AXDND1: variants seen among roughly 807,000 people sequenced by gnomAD.
AXDND1 encodes axonemal dynein light chain domain containing 1.
AXDND1 carries 110 observed loss-of-function variants against 137.5 expected under a neutral mutation model. The observed-to-expected ratio is 0.80, with a 90% CI of 0.69 to 0.94. The LOEUF (loss-of-function observed/expected upper bound fraction) is 0.94, where lower values mean the gene tolerates loss of function less well. Among genes scored for constraint, AXDND1 ranks in the 40% least tolerant of loss-of-function variants. AXDND1 has a pLI of 0.00. For synonymous variants in AXDND1, 414 were observed against 399.7 expected, an observed-to-expected ratio of 1.04 and a Z score of -0.43; for missense variants, 1,191 against 1,169.8, an observed-to-expected ratio of 1.02 and a Z score of -0.26.
chr1:179,495,257 T>C (rs542688895), intron 20 of AXDND1, among the ~76,000 whole-genome samples: 1 of 152,312 alleles, frequency 6.6e-6, no homozygotes, highest in East Asian at 1.9e-4. Flanking sequence ...TTAATTGATA[T>C]TATATCTATT....
chr1:179,369,823 TTA>T (rs1427979590), intron 3 of AXDND1, 150 bp from the exon 4 acceptor site: 12 of 553,048 alleles, frequency 2.2e-5, no homozygotes, highest in African/African-American at 1.1e-4. Flanking sequence ...GTTTTAGTCT[TTA>T]TGTCATTTAA....
At chr1:179,455,294 GTAAAAAAAAAA>G (rs1661181011) in intron 16 of AXDND1, 1 of 48,752 alleles carries the variant, frequency 2.1e-5, no homozygotes, top group Non-Finnish European at 4.6e-5. Context: ...AAAAAAAAAA[GTAAAAAAAAAA>G]AAAGAGGCTG....
At chr1:179,429,995 T>G (rs1657137318) in intron 13 of AXDND1, among the ~76,000 whole-genome samples, 1 of 149,698 alleles carries the variant, frequency 6.7e-6, no homozygotes, top group Non-Finnish European at 1.5e-5. Context: ...TTCTACTGAG[T>G]CAAAGCATTT....
At position 179,368,838 on chromosome 1, in the gene AXDND1, C is replaced by T. The variant is rs192778181; in HGVS notation, c.136C>T (p.Arg46Cys). 85 of 1,613,354 alleles carry T rather than the reference C, an allele frequency of 5.3e-5. No individual in the cohort carries two copies. The South Asian group carries it at 7.9e-4, about 15-fold the overall frequency. Residue 46 changes from arginine (R) to cysteine (C), a missense_variant, in exon 3 of 26, where the codon CGT (arginine) becomes TGT (cysteine). Transcript: ENST00000367618. The stretch of plus-strand genomic sequence containing the variant: ...AAAGGAGAAAAAAAATATGGTGGAT[C>T]GTTCAAAACTCCTTCCTACTTCCCT... ...ELKEKKNMVD[R>C]SKLLPTSLQN... is the part of the protein sequence containing the mutation.
In AXDND1 at chr1:179,376,046, C is replaced by T. The variant is rs78412812; in HGVS notation, c.375-2591C>T. On this transcript the variant is annotated intron_variant, in intron 4 of 25. Transcript: ENST00000367618. ...GCCCTCAAAGCACACCCTCTCCCACCATTTCACAATATTGCAACTGTTATA... is the reference window on the plus strand; with the variant it reads ...GCCCTCAAAGCACACCCTCTCCCACTATTTCACAATATTGCAACTGTTATA... Among the ~76,000 whole-genome samples, 279 of 152,306 alleles carry T rather than the reference C, an allele frequency of 1.8e-3. 9 individuals carry two copies. The East Asian group carries it at 0.052, about 29-fold the overall frequency.
rs541945939 is a variant in AXDND1, at chr1:179,525,420, G to A, written c.2583G>A (p.Gln861=). ...EEESKEDRKL[Q]EENKERAEEQ... ...AAAGTAAGGAGGATAGGAAACTTCA[G>A]GAGGAAAATAAAGAGAGAGCAGAAG... Residue 861 remains glutamine, a synonymous_variant, in exon 22 of 26, where the codon CAG becomes CAA. Transcript: ENST00000367618. 5 of 1,611,048 alleles carry A rather than the reference G, an allele frequency of 3.1e-6. No homozygotes were observed. The highest frequency in any genetic ancestry group is 4.2e-6 in the Non-Finnish European group (5 of 1,178,326).
At chr1:179,501,196 A>G (rs1422459224) in intron 20 of AXDND1, among the ~76,000 whole-genome samples, 1 of 152,168 alleles carries the variant, frequency 6.6e-6, no homozygotes. Flanking sequence ...TGTTTTGGAT[A>G]TTCAAAGAAC....
At chr1:179,544,223 T>G (rs1391467031) in intron 25 of AXDND1, 2 of 152,216 alleles carry the variant, frequency 1.3e-5, no homozygotes, top group African/African-American at 4.8e-5. Flanking sequence ...CTTCCCGCAT[T>G]AAAAATAGCT....
At chr1:179,459,607 A>T (rs1194084087) in intron 16 of AXDND1, among the ~76,000 whole-genome samples, 6 of 151,816 alleles carry the variant, frequency 4.0e-5, no homozygotes, top group Non-Finnish European at 8.8e-5. Flanking sequence ...TCCTTGAAGA[A>T]ATGTCTTTGG....
chr1:179,552,685 A>G, intron 25 of AXDND1: 1 of 1,612,000 alleles, frequency 6.2e-7, no homozygotes, highest in Non-Finnish European at 8.5e-7. Flanking sequence ...ATCTTTACTG[A>G]AAAAGAAAGA....
At chr1:179,449,330 A>T (rs1040646318) in intron 16 of AXDND1, 53 of 305,338 alleles carry the variant, frequency 1.7e-4, no homozygotes, top group Non-Finnish European at 2.6e-5. Context: ...AAAATCAGTT[A>T]ACCAGAGATC....
intron 16 of AXDND1, chr1:179,456,901 C>T: frequency 9.6e-7 from 1 of 1,045,074 alleles, no homozygotes; most frequent in Non-Finnish European, 1.5e-6. Context: ...AAGGCAAAGC[C>T]TCTTTTCTTG....
intron 20 of AXDND1, among the ~76,000 whole-genome samples, chr1:179,507,247 GTAT>G (rs1269023579): frequency 2.0e-5 from 3 of 152,144 alleles, no homozygotes; most frequent in East Asian, 3.9e-4. Context: ...TGATAAAAAG[GTAT>G]TATTGAAGGT....
intron 3 of AXDND1, among the ~76,000 whole-genome samples, chr1:179,369,185 C>T (rs886722742): frequency 1.3e-5 from 2 of 152,158 alleles, no homozygotes; most frequent in Non-Finnish European, 2.9e-5. Flanking sequence ...TCAGGTGATC[C>T]TCCCACCTCA....
intron 21 of AXDND1, among the ~76,000 whole-genome samples, chr1:179,523,520 G>A (rs6659378): frequency 0.88 from 133,570 of 152,124 alleles, 58,815 homozygotes; most frequent in East Asian, 0.96. Context: ...ATCCATACTG[G>A]TTAGCAGTCA....
intron 4 of AXDND1, among the ~76,000 whole-genome samples, chr1:179,374,539 G>A (rs889559678): frequency 4.6e-5 from 7 of 152,012 alleles, no homozygotes; most frequent in Admixed American, 2.0e-4. Context: ...TGTTTATTGC[G>A]GCACTATTCA....
At chr1:179,481,604 G>A (rs1464522187) in intron 17 of AXDND1, among the ~76,000 whole-genome samples, 2 of 152,192 alleles carry the variant, frequency 1.3e-5, no homozygotes, top group Non-Finnish European at 2.9e-5. Flanking sequence ...CCCACCAACA[G>A]TGTAAAAGTG....
At chr1:179,536,573 A>G (rs1412367328) in intron 25 of AXDND1, among the ~76,000 whole-genome samples, 1 of 151,980 alleles carries the variant, frequency 6.6e-6, no homozygotes, top group Non-Finnish European at 1.5e-5. Context: ...TGGTCTATAT[A>G]TCTGTTTTGG....
Position 179,429,543 on chromosome 1 carries a change from T to G in AXDND1, c.1256T>G (p.Leu419Trp). Reference sequence around the variant, plus strand: ...GTGATTGAAAGAAATAGAGTCATATTGGCTAGAAGACTTTACCTTAATGAA... The same window carrying G: ...GTGATTGAAAGAAATAGAGTCATATGGGCTAGAAGACTTTACCTTAATGAA... ...LKVIERNRVI[L>W]ARRLYLNEKG... Residue 419 changes from leucine (L) to tryptophan (W), a missense_variant, in exon 13 of 26, where the codon TTG (leucine) becomes TGG (tryptophan). Physicochemically the swap from Leu to Trp is moderately conservative, Grantham distance 61 (BLOSUM62 -2). Coordinates refer to ENST00000367618, the MANE Select transcript of AXDND1 (RefSeq NM_144696.6). The G allele has an allele frequency of 6.4e-7, 1 of 1,557,978 alleles. No individual in the cohort carries two copies. The highest frequency in any genetic ancestry group is 8.7e-7 in the Non-Finnish European group (1 of 1,154,958).
Sources: gnomAD v4.1 joint callset for allele counts (sites outside exome capture counted in the v4.1 genomes callset) on GRCh38, gnomAD v4.1.1 for gene constraint, MANE v1.5 for transcripts, NCBI Gene and HGNC (gene_info 2026-07-23, HGNC 2026-07-21) for gene names.